CHRM5: variants seen among roughly 807,000 people sequenced by gnomAD.
The protein encoded by CHRM5 is cholinergic receptor muscarinic 5.
In CHRM5, 18 loss-of-function variants were observed where a neutral mutation model predicts 39.0. That is an observed-to-expected ratio of 0.46 (90% CI 0.32 to 0.68). CHRM5 has a LOEUF of 0.68. Among genes scored for constraint, CHRM5 ranks in the 30% least tolerant of loss-of-function variants. CHRM5 has a pLI of 0.04. For missense variants in CHRM5, 515 were observed against 651.1 expected, an observed-to-expected ratio of 0.79 and a Z score of 2.28; for synonymous variants, 241 against 246.3, an observed-to-expected ratio of 0.98 and a Z score of 0.20.
chr15:33,985,359 G>A lies in CHRM5; in HGVS notation c.-408+16209G>A, dbSNP rs576293149. ...TGCTGTGGGCTTTATTACAGGGAAG[G>A]AACACTGAGCTGAGTGTTCCTTTGT... On this transcript the variant is annotated intron_variant, in intron 1 of 2. Coordinates refer to ENST00000383263, the MANE Select transcript of CHRM5 (RefSeq NM_012125.4). Among the ~76,000 whole-genome samples the A allele has an allele frequency of 2.6e-5, 4 of 151,110 alleles. No individual in the cohort carries two copies. The East Asian group carries it at 5.9e-4, about 22-fold the overall frequency.
At chr15:34,015,222 G>A (rs575170398) in intron 1 of CHRM5, among the ~76,000 whole-genome samples, 2 of 152,254 alleles carry the variant, frequency 1.3e-5, no homozygotes, top group East Asian at 1.9e-4. Flanking sequence ...AGTGGCTCAC[G>A]CCTGTAATCC....
intron 2 of CHRM5, among the ~76,000 whole-genome samples, chr15:34,055,104 A>T (rs1024474815): frequency 4.0e-5 from 6 of 151,824 alleles, no homozygotes; most frequent in African/African-American, 1.5e-4. Flanking sequence ...AGGCAGGAGA[A>T]TCACTTGAAC....
intron 1 of CHRM5, among the ~76,000 whole-genome samples, chr15:33,986,710 G>T (rs1046334495): frequency 2.0e-5 from 3 of 152,068 alleles, no homozygotes; most frequent in African/African-American, 7.2e-5. Flanking sequence ...AGGCTTGAAT[G>T]CAGTGGCGCA....
chr15:34,040,535 C>T (rs1250439253), intron 1 of CHRM5, among the ~76,000 whole-genome samples: 1 of 152,208 alleles, frequency 6.6e-6, no homozygotes, highest in African/African-American at 2.4e-5. Context: ...CTTCTCATAT[C>T]ACTTCATTTG....
At chr15:34,038,127 T>C (rs1252057067) in intron 1 of CHRM5, among the ~76,000 whole-genome samples, 1 of 152,190 alleles carries the variant, frequency 6.6e-6, no homozygotes, top group Non-Finnish European at 1.5e-5. Context: ...CATTTATAAA[T>C]TGAAAATTCA....
intron 1 of CHRM5, among the ~76,000 whole-genome samples, chr15:33,988,449 C>T (rs887580692): frequency 1.3e-5 from 2 of 152,152 alleles, no homozygotes; most frequent in African/African-American, 4.8e-5. Context: ...GAAACCTACC[C>T]TATTAAGTTA....
chr15:34,050,719 A>T (rs1414629436), intron 2 of CHRM5, among the ~76,000 whole-genome samples: 1 of 152,238 alleles, frequency 6.6e-6, no homozygotes, highest in Non-Finnish European at 1.5e-5. Flanking sequence ...CTGACAAAAC[A>T]GACTTTAAAC....
chr15:34,017,933 T>C (rs1221949300), intron 1 of CHRM5, among the ~76,000 whole-genome samples: 3 of 152,214 alleles, frequency 2.0e-5, no homozygotes. Context: ...TGCACAGCAT[T>C]ATTCACAGGT....
chr15:34,058,170 T>A (rs1159814175), intron 2 of CHRM5, among the ~76,000 whole-genome samples: 2 of 152,174 alleles, frequency 1.3e-5, no homozygotes, highest in African/African-American at 2.4e-5. Context: ...CACATTATGG[T>A]GGGTAATCTT....
rs538246427 is a variant in CHRM5 at position 34,039,207 on chromosome 15, A to AGCGGG, written c.-407-7318_-407-7314dup. 6.6e-4 allele frequency: 375 copies of AGCGGG among 565,444 alleles called. 2 individuals carry two copies. Among genetic ancestry groups the AGCGGG allele is most frequent in the African/African-American group, 1.6e-3 (78 of 48,502 alleles). The allele number at this position is 565,444 out of a possible 1,614,324, so 35.0% of individuals were successfully genotyped here. ...TAGGGATCGAGGCCGGCCGCAGCGG[A>AGCGGG]GCGGGGCGGGGCGGGGCGGCCGGCG... On this transcript the variant is annotated intron_variant, in intron 1 of 2. Transcript: ENST00000383263.
chr15:33,980,197 G>A (rs1366019414), intron 1 of CHRM5, among the ~76,000 whole-genome samples: 1 of 152,212 alleles, frequency 6.6e-6, no homozygotes, highest in Non-Finnish European at 1.5e-5. Context: ...AAGTATGTAA[G>A]TATGTCAGGA....
chr15:34,061,341 T>C (rs1252288802), intron 2 of CHRM5, among the ~76,000 whole-genome samples: 2 of 152,276 alleles, frequency 1.3e-5, no homozygotes, highest in South Asian at 4.1e-4. Context: ...ATATAGTACA[T>C]CCATTAAGTG....
chr15:34,003,336 T>C, intron 1 of CHRM5: 1 of 759,658 alleles, frequency 1.3e-6, no homozygotes, highest in Non-Finnish European at 2.1e-6. Flanking sequence ...TCTGAAGATA[T>C]TAAATATTAT....
chr15:34,008,976 AG>A (rs1266936005), intron 1 of CHRM5, among the ~76,000 whole-genome samples: 2 of 125,874 alleles, frequency 1.6e-5, no homozygotes, highest in African/African-American at 5.2e-5. Context: ...ACACACACAC[AG>A]ACCATCGAGA....
chr15:34,009,799 A>C (rs1442736801), intron 1 of CHRM5, among the ~76,000 whole-genome samples: 1 of 152,078 alleles, frequency 6.6e-6, no homozygotes, highest in African/African-American at 2.4e-5. Context: ...GATCAGCCTG[A>C]GCAACATAGA....
At position 34,047,073 on chromosome 15, in the gene CHRM5, GTT is replaced by G. The variant is rs56218206; in HGVS notation, c.-76+214_-76+215del. On this transcript the variant is annotated intron_variant, in intron 2 of 2. Transcript: ENST00000383263. ...CTTTTTTGTTTTGGTTTTTTTGTTG[GTT>G]TTTTTTTTTTTCTTTTTTTGGAGAC... is the stretch of plus-strand genomic sequence containing the variant. 6.7e-3 allele frequency among the ~76,000 whole-genome samples: 968 copies of G among 145,132 alleles called. 8 individuals carry two copies. The highest frequency in any genetic ancestry group is 0.011 in the Non-Finnish European group (728 of 66,028).
chr15:34,059,220 A>C (rs980180323), intron 2 of CHRM5, among the ~76,000 whole-genome samples: 2 of 152,204 alleles, frequency 1.3e-5, no homozygotes, highest in Non-Finnish European at 2.9e-5. Context: ...TAATGAGGAA[A>C]CAGATGAAAA....
intron 1 of CHRM5, among the ~76,000 whole-genome samples, chr15:34,040,384 G>C (rs1899418855): frequency 6.6e-6 from 1 of 152,184 alleles, no homozygotes; most frequent in Non-Finnish European, 1.5e-5. Context: ...GGTTGAGTAG[G>C]AGTTTGCCTG....
rs1311557478 is a variant in CHRM5 at position 33,968,677 on chromosome 15, G to A, written c.-881G>A. On this transcript the variant is annotated 5_prime_UTR_variant, in exon 1 of 3. Transcript: ENST00000383263. ...GCTGATGGACTGAAAAGTTCGTATG[G>A]AGAAAGGAAAGCAAGAGTGCAAGAA... The A allele has an allele frequency of 6.6e-6, 1 of 152,110 alleles. No individual in the cohort carries two copies. Among genetic ancestry groups the A allele is most frequent in the Non-Finnish European group, 1.5e-5 (1 of 67,976 alleles). The allele number at this position is 152,110 out of a possible 1,614,324, so 9.4% of individuals were successfully genotyped here.
Sources: allele counts gnomAD v4.1 joint callset (sites outside exome capture counted in the v4.1 genomes callset), GRCh38; gene constraint gnomAD v4.1.1; transcripts MANE v1.5; gene names NCBI Gene and HGNC (gene_info 2026-07-23, HGNC 2026-07-21).